The following SEZ6L2 variants were observed in gnomAD, a reference collection of about 807,000 sequenced individuals.
The protein encoded by SEZ6L2 is seizure 6-like protein 2.
In SEZ6L2, 44 loss-of-function variants were observed where a neutral mutation model predicts 97.0. The observed-to-expected ratio is 0.45, with a 90% CI of 0.36 to 0.58. The LOEUF is 0.58. Ranked by LOEUF, SEZ6L2 falls within the 20% of genes least tolerant of loss-of-function variation. The pLI, the probability that SEZ6L2 is intolerant of heterozygous loss-of-function variation, is 0.00. For synonymous variants in SEZ6L2, 543 were observed against 546.1 expected, an observed-to-expected ratio of 0.99 and a Z score of 0.08; for missense variants, 1,086 against 1,233.3, an observed-to-expected ratio of 0.88 and a Z score of 1.79.
chr16:29,873,464 C>G lies in SEZ6L2; in HGVS notation c.2297-33G>C, dbSNP rs1454039747. ...GAGCATGCCAGTCACGTGCCAGCTGCACTACTGTGCACGGGGCAGACGGGC... is the reference window on the plus strand; with the variant it reads ...GAGCATGCCAGTCACGTGCCAGCTGGACTACTGTGCACGGGGCAGACGGGC... On this transcript the variant is annotated intron_variant, in intron 13 of 17. Transcript: ENST00000617533. This position sits in a 1 kb window ranked among gnomAD's most constrained non-coding sequence, Gnocchi z 4.3. 1.9e-6 allele frequency: 3 copies of G among 1,614,058 alleles called. No individual in the cohort carries two copies. In the South Asian group the frequency reaches 3.3e-5, roughly 18 times the overall value.
At chr16:29,898,449 C>A (rs1286588005) in intron 1 of SEZ6L2, among the ~76,000 whole-genome samples, 1 of 152,044 alleles carries the variant, frequency 6.6e-6, no homozygotes, top group Admixed American at 6.6e-5. Context: ...CTCTCTCTCC[C>A]CCCCACCCTC....
At position 29,899,095 on chromosome 16, in the gene SEZ6L2, T is replaced by A; in HGVS notation, c.-76A>T. On this transcript the variant is annotated 5_prime_UTR_variant, in exon 1 of 18. Coordinates refer to ENST00000617533, the MANE Select transcript of SEZ6L2 (RefSeq NM_001243332.2). Reference sequence around the variant, plus strand: ...GCCACCTTTCCTCCGTCTCCGTTTATCTTTCCCTTTAATTGTTTTTTTTTT... The same window carrying A: ...GCCACCTTTCCTCCGTCTCCGTTTAACTTTCCCTTTAATTGTTTTTTTTTT... The A allele has an allele frequency of 1.5e-5, 14 of 921,296 alleles. No individual in the cohort carries two copies. Among genetic ancestry groups the A allele is most frequent in the Middle Eastern group, 2.1e-4 (1 of 4,714 alleles). 57.1% of individuals were successfully genotyped at this position (921,296 alleles called of 1,614,324 possible). A position where few individuals can be genotyped will look rare whatever the true frequency, so the allele number is the denominator to read the frequency against.
chr16:29,878,795 C>T (rs556659880), intron 9 of SEZ6L2, among the ~76,000 whole-genome samples: 5 of 140,342 alleles, frequency 3.6e-5, no homozygotes, highest in Non-Finnish European at 6.1e-5. Context: ...TTAGTAGAGA[C>T]GGGGTTTTAC....
Position 29,872,253 on chromosome 16 carries a change from C to T in SEZ6L2, c.2676G>A (p.Ser892=), listed in dbSNP as rs568381323. 31 of 1,612,272 alleles carry T rather than the reference C, an allele frequency of 1.9e-5. No homozygotes were observed. The East Asian group carries it at 3.3e-4, about 17-fold the overall frequency. The change falls in exon 17 of 18, where the codon TCG becomes TCA. Residue 892 remains serine, a synonymous_variant. Transcript: ENST00000617533. ...TGATGGGGCTGTAGGAGTGGGAGCC[C>T]GAGAAGCCGAAAAGGGACTTTCCCT... The part of the protein sequence containing the change: ...KLQGKSLFGF[S]GSHSYSPITV...
rs547197021 is a variant in SEZ6L2 at position 29,896,000 on chromosome 16, T to C, written c.512-140A>G. The C allele has an allele frequency of 2.2e-3, 2,004 of 905,740 alleles. 8 individuals are homozygous for C. Among genetic ancestry groups the C allele is most frequent in the Non-Finnish European group, 3.0e-3 (1,856 of 621,424 alleles). The allele number at this position is 905,740 out of a possible 1,614,324, so 56.1% of individuals were successfully genotyped here. A position where few individuals can be genotyped will look rare whatever the true frequency, so the allele number is the denominator to read the frequency against. Reference sequence around the variant, plus strand: ...TTGTTTGAGACAGGGTCTCGCTCTGTCACCCAGGCTGGAGTGCAGTGGTGC... The same window carrying C: ...TTGTTTGAGACAGGGTCTCGCTCTGCCACCCAGGCTGGAGTGCAGTGGTGC... On this transcript the variant is annotated intron_variant, in intron 3 of 17. Coordinates refer to ENST00000617533, the MANE Select transcript of SEZ6L2 (RefSeq NM_001243332.2).
In SEZ6L2 at chr16:29,878,445, A is replaced by C. The variant is rs1455707198; in HGVS notation, c.1574-20T>G. On this transcript the variant is annotated intron_variant, in intron 9 of 17. Coordinates refer to ENST00000617533, the MANE Select transcript of SEZ6L2 (RefSeq NM_001243332.2). ...ACATGGCTAGGGAAAAAGGGGTGTC[A>C]GGTTCAGGACCCAGGTGGGCATGCT... 1 of 1,583,454 alleles carries C rather than the reference A, an allele frequency of 6.3e-7. No individual in the cohort carries two copies. Among genetic ancestry groups the C allele is most frequent in the Non-Finnish European group, 8.6e-7 (1 of 1,160,212 alleles).
intron 6 of SEZ6L2, 101 bp from the exon 7 acceptor site, chr16:29,887,918 G>T: frequency 2.3e-6 from 3 of 1,321,496 alleles, no homozygotes; most frequent in Non-Finnish European, 3.1e-6. Flanking sequence ...CACACATTTG[G>T]CTGGGACCCG....
intron 2 of SEZ6L2, 126 bp downstream of exon 2, chr16:29,897,727 A>C: frequency 8.6e-7 from 1 of 1,156,566 alleles, no homozygotes; most frequent in Non-Finnish European, 1.2e-6. Flanking sequence ...TGAATCTCAC[A>C]GGAATGCAGG....
chr16:29,897,936 G>C lies in SEZ6L2; in HGVS notation c.128C>G (p.Thr43Ser). 1.9e-6 allele frequency: 3 copies of C among 1,613,816 alleles called. No homozygotes were observed. The highest frequency in any genetic ancestry group is 2.5e-6 in the Non-Finnish European group (3 of 1,179,856). Residue 43 changes from threonine to serine, a missense_variant, in exon 2 of 18, where the codon ACC becomes AGC. Coordinates refer to ENST00000617533, the MANE Select transcript of SEZ6L2 (RefSeq NM_001243332.2). Reference sequence around the variant, plus strand: ...CAGGGCCTCAGAGGCCACCGTGGGGGTCTCACTTCCAGGCTCTGGCAATAT... The same window carrying C: ...CAGGGCCTCAGAGGCCACCGTGGGGCTCTCACTTCCAGGCTCTGGCAATAT... ...EEILPEPGSETPTVASEALAE... is the reference protein window; with the variant it reads ...EEILPEPGSESPTVASEALAE...
intron 8 of SEZ6L2, among the ~76,000 whole-genome samples, chr16:29,885,256 T>G (rs2068112502): frequency 6.6e-6 from 1 of 152,058 alleles, no homozygotes; most frequent in South Asian, 2.1e-4. Context: ...TGGTGGTATG[T>G]AAGTCGGCAG....
At chr16:29,871,878 G>A (rs2067790677) in intron 17 of SEZ6L2, 150 bp from the exon 18 acceptor site, 11 of 754,830 alleles carry the variant, frequency 1.5e-5, no homozygotes, top group Non-Finnish European at 2.3e-5. Flanking sequence ...TCATCCTACG[G>A]TGTCGTAAAA....
Position 29,878,368 on chromosome 16 carries a change from G to A in SEZ6L2, c.1631C>T (p.Pro544Leu), listed in dbSNP as rs2067954415. The change falls in exon 10 of 18, where the codon CCC (proline) becomes CTC (leucine). Residue 544 changes from proline (P) to leucine (L), a missense_variant. By Grantham distance (98) the Pro-to-Leu change is moderately conservative. Around this residue, in one of 2 missense-constraint regions of SEZ6L2, gnomAD observed 776 missense variants for 794.7 expected, o/e 0.98. Transcript: ENST00000617533. ...PAGVVLSPDW[P>L]QSYSPGQDCV... is the part of the protein sequence containing the mutation. Reference sequence around the variant, plus strand: ...GTCTTGGCCCGGGCTATAGCTCTGGGGCCAGTCGGGAGAGAGGACCACGCC... The same window carrying A: ...GTCTTGGCCCGGGCTATAGCTCTGGAGCCAGTCGGGAGAGAGGACCACGCC... 3 of 1,608,784 alleles carry A rather than the reference G, an allele frequency of 1.9e-6. No individual in the cohort carries two copies. The highest frequency in any genetic ancestry group is 2.5e-6 in the Non-Finnish European group (3 of 1,177,176).
intron 8 of SEZ6L2, among the ~76,000 whole-genome samples, chr16:29,882,377 G>GACC (rs2068048386): frequency 6.6e-6 from 1 of 151,966 alleles, no homozygotes; most frequent in Non-Finnish European, 1.5e-5. Flanking sequence ...AGGAGTTTGA[G>GACC]ACCAGCCTGA....
Position 29,897,050 on chromosome 16 carries a change from C to T in SEZ6L2, c.283G>A (p.Ala95Thr). 1 of 1,581,256 alleles carries T rather than the reference C, an allele frequency of 6.3e-7. No individual in the cohort carries two copies. ...QTLAVPSLPR[A>T]TEPGTGPLTT... ...AGAGGCCCTGTCCCCGGCTCAGTGG[C>T]CCGTGGCAGGGAGGGCACTGCGAGA... is the stretch of plus-strand genomic sequence containing the variant. Residue 95 changes from alanine (A) to threonine (T), a missense_variant, in exon 3 of 18, where the codon GCC becomes ACC. Transcript: ENST00000617533.
Position 29,876,788 on chromosome 16 carries a change from G to T in SEZ6L2, c.2072C>A (p.Ser691Tyr). Reference protein sequence around the residue: ...SDILTCQWDLSWSAAPPACQK... With the variant: ...SDILTCQWDLYWSAAPPACQK... Reference sequence around the variant, plus strand: ...GCAGGCGGGCGGCGCGGCGCTCCAAGACAGGTCCCACTGGCAAGTGAGAAT... The same window carrying T: ...GCAGGCGGGCGGCGCGGCGCTCCAATACAGGTCCCACTGGCAAGTGAGAAT... Residue 691 changes from serine to tyrosine, a missense_variant, in exon 12 of 18, where the codon TCT (serine) becomes TAT (tyrosine). Transcript: ENST00000617533. The surrounding 1 kb of genome is among the most constrained non-coding windows in gnomAD (Gnocchi z 6.5). The T allele has an allele frequency of 6.3e-7, 1 of 1,578,140 alleles. No homozygotes were observed. Among genetic ancestry groups the T allele is most frequent in the East Asian group, 2.4e-5 (1 of 42,388 alleles).
intron 1 of SEZ6L2, among the ~76,000 whole-genome samples, chr16:29,898,714 CT>C (rs1251813345): frequency 6.6e-6 from 1 of 152,194 alleles, no homozygotes; most frequent in African/African-American, 2.4e-5. Flanking sequence ...GATCTAGCCC[CT>C]GAGACACTGC....
chr16:29,882,502 G>A (rs191493540), intron 8 of SEZ6L2, among the ~76,000 whole-genome samples: 150 of 151,778 alleles, frequency 9.9e-4, no homozygotes, highest in African/African-American at 2.9e-3. Flanking sequence ...ACTTGAACCC[G>A]GAAGGCGGAG....
chr16:29,896,738 C>T (rs2068399069), intron 3 of SEZ6L2, 84 bp downstream of exon 3: 2 of 1,237,518 alleles, frequency 1.6e-6, no homozygotes, highest in South Asian at 2.7e-5. Flanking sequence ...ACTCCTTCCA[C>T]AGTTCCCAGC....
chr16:29,896,215 T>C (rs2150816800), intron 3 of SEZ6L2, among the ~76,000 whole-genome samples: 1 of 152,298 alleles, frequency 6.6e-6, no homozygotes, highest in Non-Finnish European at 1.5e-5. Flanking sequence ...CCTCCTGCCT[T>C]GGCCTCCCAA....
Sources: allele counts gnomAD v4.1 joint callset (sites outside exome capture counted in the v4.1 genomes callset), GRCh38; gene constraint gnomAD v4.1.1; regional missense constraint gnomAD v4.1.1; non-coding constraint Gnocchi (gnomAD v3.1); transcripts MANE v1.5; gene names NCBI Gene and HGNC (gene_info 2026-07-23, HGNC 2026-07-21).